GRM4: variants seen among roughly 807,000 people sequenced by gnomAD.
GRM4 encodes glutamate metabotropic receptor 4, also known as metabotropic glutamate receptor 4.
GRM4 carries 28 observed loss-of-function variants against 81.7 expected under a neutral mutation model. The ratio of observed to expected loss-of-function variants is 0.34; its 90% confidence interval spans 0.25 to 0.47. The LOEUF is 0.47. GRM4 is among the 20% of genes least tolerant of loss of function. GRM4 has a pLI of 1.00. For synonymous variants in GRM4, 488 were observed against 528.8 expected (o/e 0.92, Z 1.06); for missense variants, 948 against 1,290.0 (o/e 0.73, Z 4.06).
intron 2 of GRM4, chr6:34,100,015 T>A: frequency 1.0e-6 from 1 of 973,316 alleles, no homozygotes; most frequent in Non-Finnish European, 1.2e-6. Context: ...GACTCCCTCA[T>A]TAATCAGATC....
At chr6:34,103,641 G>A (rs766816365) in intron 2 of GRM4, 21 of 1,534,530 alleles carry the variant, frequency 1.4e-5, no homozygotes, top group Middle Eastern at 1.7e-4. Flanking sequence ...GGGGGAGGCC[G>A]GGAGGAGCCC....
Position 34,133,192 on chromosome 6 carries a change from C to A in GRM4, c.305G>T (p.Gly102Val), listed in dbSNP as rs1391559661. The A allele has an allele frequency of 5.0e-6, 8 of 1,613,896 alleles. No individual in the cohort carries two copies. Among genetic ancestry groups the A allele is most frequent in the Non-Finnish European group, 6.8e-6 (8 of 1,179,808 alleles). Reference sequence around the variant, plus strand: ...GGAGCAGGTGTCCAGAATGCGGGCGCCCAGCGTGATGTTAGGCAGCAGGTC... The same window carrying A: ...GGAGCAGGTGTCCAGAATGCGGGCGACCAGCGTGATGTTAGGCAGCAGGTC... ...DPDLLPNITLGARILDTCSRD... is the reference protein window; with the variant it reads ...DPDLLPNITLVARILDTCSRD... The change falls in exon 2 of 11, where the codon GGC becomes GTC. Residue 102 changes from glycine to valine, a missense_variant. Gly to Val is a moderately radical substitution (Grantham distance 109). Transcript: ENST00000538487. This position sits in a 1 kb window ranked among gnomAD's most constrained non-coding sequence, Gnocchi z 6.5.
At chr6:34,132,341 T>C (rs1451733333) in intron 2 of GRM4, among the ~76,000 whole-genome samples, 3 of 152,178 alleles carry the variant, frequency 2.0e-5, no homozygotes, top group Non-Finnish European at 4.4e-5. Flanking sequence ...CTGCATTCTC[T>C]GCAGGCTCAG....
At chr6:34,102,407 C>T (rs1473417103) in intron 2 of GRM4, among the ~76,000 whole-genome samples, 2 of 152,192 alleles carry the variant, frequency 1.3e-5, no homozygotes, top group Non-Finnish European at 2.9e-5. Context: ...TACTGTGCCT[C>T]GAACTCTCCA....
chr6:34,079,329 T>TC (rs1767469585), intron 3 of GRM4, among the ~76,000 whole-genome samples: 5 of 152,020 alleles, frequency 3.3e-5, no homozygotes, highest in Admixed American at 3.3e-4. Context: ...GTCTCTCCCA[T>TC]CACTGCTCCT....
rs1264280662 is a variant in GRM4 at position 34,059,143 on chromosome 6, A to ACCAGC, written c.873-20_873-16dup. The ACCAGC allele has an allele frequency of 1.4e-5, 22 of 1,611,618 alleles. No homozygotes were observed. Among genetic ancestry groups the ACCAGC allele is most frequent in the Non-Finnish European group, 1.8e-5 (21 of 1,178,848 alleles). On this transcript the variant is annotated splice_polypyrimidine_tract_variant and intron_variant, in intron 4 of 10. Transcript: ENST00000538487. The surrounding 1 kb of genome is among the most constrained non-coding windows in gnomAD (Gnocchi z 5.7). Reference sequence around the variant, plus strand: ...CCAGCACACGCCTGTAGGAACATACACCAGCCCAGCCCAGCCGCGTCTGTC... The same window carrying ACCAGC: ...CCAGCACACGCCTGTAGGAACATACACCAGCCCAGCCCAGCCCAGCCGCGTCTGTC...
rs908189645 is a variant in GRM4 at position 34,040,114 on chromosome 6, C to T, written c.1506+64G>A. 4.6e-6 allele frequency: 7 copies of T among 1,518,044 alleles called. No homozygotes were observed. The South Asian group carries it at 6.9e-5, about 15-fold the overall frequency. The allele number at this position is 1,518,044 out of a possible 1,614,324, so 94.0% of individuals were successfully genotyped here. A position where few individuals can be genotyped will look rare whatever the true frequency, so the allele number is the denominator to read the frequency against. On this transcript the variant is annotated intron_variant, in intron 8 of 10. Transcript: ENST00000538487. ...TAATCAGCAGCAGCCTCCCCTTGGG[C>T]CCCCCTCCCAGGGGCTGGAACTGCG...
At position 34,028,184 on chromosome 6, in the gene GRM4, C is replaced by T. The variant is rs375175251; in HGVS notation, c.2625G>A (p.Gln875=). ...TAATMSNKFT[Q]KGNFRPNGEA... ...CTCCGTTGGGCCGGAAGTTGCCCTT[C>T]TGCGTGAACTTGTTGGACATGGTGG... Residue 875 remains glutamine (Q), a synonymous_variant, in exon 10 of 11, where the codon CAG becomes CAA. Transcript: ENST00000538487. 1.1e-5 allele frequency: 18 copies of T among 1,613,928 alleles called. No homozygotes were observed. Among genetic ancestry groups the T allele is most frequent in the East Asian group, 8.9e-5 (4 of 44,890 alleles).
chr6:34,083,945 C>A (rs951319039), intron 3 of GRM4, among the ~76,000 whole-genome samples: 3 of 152,214 alleles, frequency 2.0e-5, no homozygotes, highest in African/African-American at 7.2e-5. Context: ...ACCGAAACGC[C>A]AAGCCCTGAG....
At chr6:34,095,186 A>G (rs1016340314) in intron 2 of GRM4, among the ~76,000 whole-genome samples, 1 of 152,148 alleles carries the variant, frequency 6.6e-6, no homozygotes, top group Non-Finnish European at 1.5e-5. Flanking sequence ...CCTTCCCCCA[A>G]TAATTCCTGA....
At chr6:34,023,225 G>A (rs1763975126) in intron 10 of GRM4, among the ~76,000 whole-genome samples, 1 of 152,192 alleles carries the variant, frequency 6.6e-6, no homozygotes, top group Non-Finnish European at 1.5e-5. Context: ...TGTGTGAGGG[G>A]CTCCCCAGCA....
intron 2 of GRM4, among the ~76,000 whole-genome samples, chr6:34,125,644 T>G (rs948029492): frequency 6.6e-6 from 1 of 152,224 alleles, no homozygotes; most frequent in African/African-American, 2.4e-5. Context: ...CGCAGAGGAT[T>G]GGCTGCCAGT....
Position 34,111,370 on chromosome 6 carries a change from G to A in GRM4, c.520-19271C>T, listed in dbSNP as rs1223710621. 2.7e-5 allele frequency among the ~76,000 whole-genome samples: 4 copies of A among 148,708 alleles called. No homozygotes were observed. The highest frequency in any genetic ancestry group is 4.5e-5 in the Non-Finnish European group (3 of 67,378). On this transcript the variant is annotated intron_variant, in intron 2 of 10. Transcript: ENST00000538487. The surrounding 1 kb of genome is among the most constrained non-coding windows in gnomAD (Gnocchi z 5.1). ...ACTCACACTCACAGGCCTCTTGGTG[G>A]TAAGTACAACCAACCGTGCACACAC...
At position 34,047,343 on chromosome 6, in the gene GRM4, A is replaced by G. The variant is rs568876784; in HGVS notation, c.1169-6595T>C. Among the ~76,000 whole-genome samples the G allele has an allele frequency of 4.0e-4, 61 of 152,228 alleles. 1 individual carries two copies. Among genetic ancestry groups the G allele is most frequent in the Middle Eastern group, 3.4e-3 (1 of 294 alleles). On this transcript the variant is annotated intron_variant, in intron 6 of 10. Coordinates refer to ENST00000538487, the MANE Select transcript of GRM4 (RefSeq NM_000841.4). The surrounding 1 kb of genome is among the most constrained non-coding windows in gnomAD (Gnocchi z 4.5). ...GGCGAGGGATGCCCACCGCATAGAC[A>G]GACCCAGACCTAGCCCAACATATGG...
chr6:34,067,426 TTCCCTCCCTCCGTCCTTCCTTCCC>T (rs1561786962), intron 3 of GRM4, among the ~76,000 whole-genome samples: 62 of 73,634 alleles, frequency 8.4e-4, no homozygotes, highest in African/African-American at 3.7e-3. Flanking sequence ...CCCTCCGTCC[TTCCCTCCCTCCGTCCTTCCTTCCC>T]TCCCTCCCTC....
rs1768123465 is a variant in GRM4, at chr6:34,090,133, G to T, written c.736+1750C>A. 6.6e-6 allele frequency among the ~76,000 whole-genome samples: 1 copy of T among 152,162 alleles called. No individual in the cohort carries two copies. The highest frequency in any genetic ancestry group is 2.4e-5 in the African/African-American group (1 of 41,424). ...TCTACCTCGTAGGGCAGGAAGGACT[G>T]CCCAGGACAGCAGGTGCTGGGCACA... On this transcript the variant is annotated intron_variant, in intron 3 of 10. Transcript: ENST00000538487. This position sits in a 1 kb window ranked among gnomAD's most constrained non-coding sequence, Gnocchi z 5.2.
chr6:34,105,119 T>A (rs1254850492), intron 2 of GRM4, among the ~76,000 whole-genome samples: 1 of 152,144 alleles, frequency 6.6e-6, no homozygotes, highest in African/African-American at 2.4e-5. Context: ...ACTATATTAA[T>A]ATAATATGAT....
chr6:34,072,772 CCACA>C (rs1561792257), intron 3 of GRM4, among the ~76,000 whole-genome samples: 4 of 72,798 alleles, frequency 5.5e-5, no homozygotes, highest in Admixed American at 3.1e-4. Flanking sequence ...CAGATACACA[CCACA>C]CACAGACCCA....
In GRM4 at chr6:34,143,363, A is replaced by T. The variant is rs190610963; in HGVS notation, c.-364+2637T>A. Among the ~76,000 whole-genome samples the T allele has an allele frequency of 2.5e-3, 372 of 151,762 alleles. 1 individual carries two copies. The highest frequency in any genetic ancestry group is 4.7e-3 in the Non-Finnish European group (321 of 67,902). ...GGTGAAGCCCTCCAGGAAGTGAGAG[A>T]GGGGACAAGGCTCCAACCTCCACTC... On this transcript the variant is annotated intron_variant, in intron 1 of 10. Transcript: ENST00000538487.
Sources: allele counts gnomAD v4.1 joint callset (sites outside exome capture counted in the v4.1 genomes callset), GRCh38; gene constraint gnomAD v4.1.1; non-coding constraint Gnocchi (gnomAD v3.1); transcripts MANE v1.5; gene names NCBI Gene and HGNC (gene_info 2026-07-23, HGNC 2026-07-21).